DDR2: variants seen among roughly 807,000 people sequenced by gnomAD.
The protein encoded by DDR2 is discoidin domain-containing receptor 2.
In DDR2, 27 loss-of-function variants were observed where a neutral mutation model predicts 94.9. The observed-to-expected ratio is 0.28, with a 90% CI of 0.21 to 0.39. The LOEUF is 0.39. DDR2 is among the 10% of genes least tolerant of loss of function. The pLI, the probability that DDR2 is intolerant of heterozygous loss-of-function variation, is 1.00. For synonymous variants in DDR2, 382 were observed against 377.2 expected, an observed-to-expected ratio of 1.01 and a Z score of -0.15; for missense variants, 783 against 1,076.0, an observed-to-expected ratio of 0.73 and a Z score of 3.81.
In DDR2 at chr1:162,787,330, G is replaced by A. The variant is rs1281681490; in HGVS notation, c.*7084G>A. 6.6e-6 allele frequency: 1 copy of A among 150,628 alleles called. No individual in the cohort carries two copies. The highest frequency in any genetic ancestry group is 2.4e-5 in the African/African-American group (1 of 40,910). The allele number at this position is 150,628 out of a possible 1,614,324, so 9.3% of individuals were successfully genotyped here. On this transcript the variant is annotated 3_prime_UTR_variant, in exon 18 of 18. Coordinates refer to ENST00000367921, the MANE Select transcript of DDR2 (RefSeq NM_006182.4). ...CTCATCAATAAAAACATATTATGAT[G>A]GTTATCAAGCTGTGTCCTATGAGTG...
At chr1:162,744,106 G>C (rs145955316) in intron 3 of DDR2, among the ~76,000 whole-genome samples, 6 of 152,134 alleles carry the variant, frequency 3.9e-5, no homozygotes, top group Admixed American at 6.5e-5. Flanking sequence ...AAGTGCCTAG[G>C]GTTAAAATGC....
At chr1:162,724,878 A>C (rs960916746) in intron 3 of DDR2, among the ~76,000 whole-genome samples, 23 of 152,130 alleles carry the variant, frequency 1.5e-4, no homozygotes, top group African/African-American at 5.1e-4. Context: ...TTAAGTGAGC[A>C]ATGCTAGAAG....
intron 2 of DDR2, among the ~76,000 whole-genome samples, chr1:162,698,210 A>G (rs1303319354): frequency 6.6e-6 from 1 of 152,262 alleles, no homozygotes; most frequent in Admixed American, 6.5e-5. Context: ...GAGTAAGATC[A>G]GACAAATGGC....
At chr1:162,735,686 CT>C (rs1662265354) in intron 3 of DDR2, among the ~76,000 whole-genome samples, 1 of 152,184 alleles carries the variant, frequency 6.6e-6, no homozygotes, top group African/African-American at 2.4e-5. Flanking sequence ...ACCTCCACAT[CT>C]GTTATATAGG....
At chr1:162,727,095 C>T (rs951204906) in intron 3 of DDR2, among the ~76,000 whole-genome samples, 2 of 138,062 alleles carry the variant, frequency 1.4e-5, no homozygotes, top group South Asian at 2.2e-4. Context: ...ATTATTAATA[C>T]ATTAAAATAT....
In DDR2 at chr1:162,680,181, G is replaced by C. The variant is rs568202901; in HGVS notation, c.-28+24807G>C. 3.6e-4 allele frequency among the ~76,000 whole-genome samples: 55 copies of C among 152,194 alleles called. 1 individual carries two copies. In the South Asian group the frequency reaches 0.011, roughly 30 times the overall value. On this transcript the variant is annotated intron_variant, in intron 2 of 17. Transcript: ENST00000367921. Reference sequence around the variant, plus strand: ...TCTGTTTTTGTTGCAATTGCTTTTGGTGTCTTCATCACGAAATCTTTGCCA... The same window carrying C: ...TCTGTTTTTGTTGCAATTGCTTTTGCTGTCTTCATCACGAAATCTTTGCCA...
chr1:162,773,820 A>G (rs888908534), intron 14 of DDR2, among the ~76,000 whole-genome samples: 6 of 152,174 alleles, frequency 3.9e-5, no homozygotes, highest in African/African-American at 1.4e-4. Context: ...TACTTGCCAC[A>G]TATTTACTTC....
At chr1:162,671,750 A>G (rs1658854792) in intron 2 of DDR2, among the ~76,000 whole-genome samples, 1 of 152,150 alleles carries the variant, frequency 6.6e-6, no homozygotes, top group Non-Finnish European at 1.5e-5. Flanking sequence ...TATCTCAAAG[A>G]CACAACATCT....
At chr1:162,641,972 A>T (rs540182910) in intron 1 of DDR2, among the ~76,000 whole-genome samples, 7 of 152,018 alleles carry the variant, frequency 4.6e-5, no homozygotes, top group Non-Finnish European at 8.8e-5. Context: ...TATTTTTGAG[A>T]CAGAGTCTCT....
chr1:162,640,525 A>G (rs930017073), intron 1 of DDR2, among the ~76,000 whole-genome samples: 2 of 152,210 alleles, frequency 1.3e-5, no homozygotes. Context: ...TGCTTTAAAA[A>G]GAATTAAAGT....
chr1:162,730,487 C>A (rs1309935417), intron 3 of DDR2, among the ~76,000 whole-genome samples: 1 of 152,180 alleles, frequency 6.6e-6, no homozygotes, highest in Admixed American at 6.5e-5. Flanking sequence ...CAGATTCAAT[C>A]TTTTGGCTAC....
rs1028263603 is a variant in DDR2 at position 162,754,999 on chromosome 1, G to C, written c.417+144G>C. The C allele has an allele frequency of 4.9e-6, 7 of 1,415,712 alleles. No homozygotes were observed. In the South Asian group the frequency reaches 8.4e-5, roughly 17 times the overall value. 87.7% of individuals were successfully genotyped at this position (1,415,712 alleles called of 1,614,324 possible). A position where few individuals can be genotyped will look rare whatever the true frequency, so the allele number is the denominator to read the frequency against. On this transcript the variant is annotated intron_variant, in intron 5 of 17. Transcript: ENST00000367921. ...TGTAAATGTGTGACCCAGGGTGAGGGAGGCAGGGAAGGAATATCAAGGCTG... is the reference window on the plus strand; with the variant it reads ...TGTAAATGTGTGACCCAGGGTGAGGCAGGCAGGGAAGGAATATCAAGGCTG...
rs773598662 is a variant in DDR2 at position 162,770,441 on chromosome 1, G to A, written c.1433G>A (p.Arg478His). 6.8e-6 allele frequency: 11 copies of A among 1,613,930 alleles called. No individual in the cohort carries two copies. Among genetic ancestry groups the A allele is most frequent in the East Asian group, 2.2e-5 (1 of 44,880 alleles). The stretch of plus-strand genomic sequence containing the variant: ...ACTTACGATCGCATCTTTCCCCTTC[G>A]CCCTGACTACCAGGAGCCATCCAGG... ...NSTYDRIFPL[R>H]PDYQEPSRLI... is the part of the protein sequence containing the mutation. Residue 478 changes from arginine (R) to histidine (H), a missense_variant, in exon 12 of 18, where the codon CGC (arginine) becomes CAC (histidine). Around this residue, in one of 2 missense-constraint regions of DDR2, gnomAD observed 519 missense variants for 647.9 expected, o/e 0.80. Coordinates refer to ENST00000367921, the MANE Select transcript of DDR2 (RefSeq NM_006182.4).
At position 162,719,085 on chromosome 1, in the gene DDR2, C is replaced by A; in HGVS notation, c.22C>A (p.Leu8Ile). Residue 8 changes from leucine (L) to isoleucine (I), a missense_variant, in exon 3 of 18, where the codon CTC becomes ATC. Physicochemically the swap from Leu to Ile is conservative, Grantham distance 5. This residue lies in a region of DDR2 where 519 missense variants were observed against 647.9 expected (regional missense o/e 0.80). Coordinates refer to ENST00000367921, the MANE Select transcript of DDR2 (RefSeq NM_006182.4). ...TGAGATGATCCTGATTCCCAGAATG[C>A]TCTTGGTGCTGTTCCTGCTGCTGCC... Reference protein sequence around the residue: MILIPRMLLVLFLLLPIL... With the variant: MILIPRMILVLFLLLPIL... 1.9e-6 allele frequency: 3 copies of A among 1,613,886 alleles called. No homozygotes were observed. Among genetic ancestry groups the A allele is most frequent in the Non-Finnish European group, 2.5e-6 (3 of 1,179,812 alleles).
At chr1:162,706,519 G>C (rs972028350) in intron 2 of DDR2, among the ~76,000 whole-genome samples, 2 of 152,200 alleles carry the variant, frequency 1.3e-5, no homozygotes, top group African/African-American at 4.8e-5. Flanking sequence ...CAAAGGGGCT[G>C]GTAAATGTGA....
rs2102190120 is a variant in DDR2, at chr1:162,773,595, AG to A, written c.1856+1del. 1 of 1,613,930 alleles carries A rather than the reference AG, an allele frequency of 6.2e-7. No homozygotes were observed. The highest frequency in any genetic ancestry group is 1.1e-5 in the South Asian group (1 of 91,076). On this transcript the variant is annotated frameshift_variant and splice_region_variant, in exon 14 of 18. Coordinates refer to ENST00000367921, the MANE Select transcript of DDR2 (RefSeq NM_006182.4). LOFTEE classifies it high-confidence loss of function. ...MLRADANKNA[R>X]NDFLKEIKIM... ...CCGAGCAGATGCCAACAAGAATGCC[AG>A]GTCTGTGGTCTACATTTTGAATTTT...
chr1:162,638,902 C>G (rs1656975750), intron 1 of DDR2, among the ~76,000 whole-genome samples: 1 of 152,056 alleles, frequency 6.6e-6, no homozygotes. Context: ...AAGTCCTAAT[C>G]CCAACCAAAA....
rs1479054395 is a variant in DDR2 at position 162,772,109 on chromosome 1, A to G, written c.1590A>G (p.Gln530=). 1 of 1,614,214 alleles carries G rather than the reference A, an allele frequency of 6.2e-7. No individual in the cohort carries two copies. Among genetic ancestry groups the G allele is most frequent in the Admixed American group, 1.7e-5 (1 of 60,024 alleles). The change falls in exon 13 of 18, where the codon CAA becomes CAG. Residue 530 remains glutamine, a synonymous_variant. Coordinates refer to ENST00000367921, the MANE Select transcript of DDR2 (RefSeq NM_006182.4). ...HYAEADIVNL[Q]GVTGGNTYSV... Reference sequence around the variant, plus strand: ...CAGAGGCTGACATAGTGAACCTCCAAGGAGTGACAGGAGGCAACACATACT... The same window carrying G: ...CAGAGGCTGACATAGTGAACCTCCAGGGAGTGACAGGAGGCAACACATACT...
intron 3 of DDR2, among the ~76,000 whole-genome samples, chr1:162,750,918 G>A (rs1371128208): frequency 6.6e-6 from 1 of 152,130 alleles, no homozygotes; most frequent in Non-Finnish European, 1.5e-5. Context: ...TTTAATAAAT[G>A]GTGCTGGGAA....
Sources: gnomAD v4.1 joint callset for allele counts (sites outside exome capture counted in the v4.1 genomes callset) on GRCh38, gnomAD v4.1.1 for gene constraint, gnomAD v4.1.1 regional missense constraint, MANE v1.5 for transcripts, NCBI Gene and HGNC (gene_info 2026-07-23, HGNC 2026-07-21) for gene names.